The following OGG1 variants were observed in gnomAD, a reference collection of about 807,000 sequenced individuals.
OGG1 encodes 8-oxoguanine DNA glycosylase, also known as N-glycosylase/DNA lyase.
OGG1 carries 35 observed loss-of-function variants against 42.3 expected under a neutral mutation model. The ratio of observed to expected loss-of-function variants is 0.83; its 90% CI spans 0.63 to 1.10. OGG1 has a LOEUF of 1.10. OGG1 is among the 50% of genes least tolerant of loss of function. The pLI is 0.00. For synonymous variants in OGG1, 189 were observed against 179.0 expected, an observed-to-expected ratio of 1.06 and a Z score of -0.44; for missense variants, 484 against 446.7, an observed-to-expected ratio of 1.08 and a Z score of -0.75.
downstream of OGG1, chr3:9,757,678 G>A (rs751911458): frequency 1.7e-5 from 27 of 1,613,912 alleles, 1 homozygote; most frequent in East Asian, 4.5e-5. The surrounding 1 kb of genome is among the most constrained non-coding windows in gnomAD (Gnocchi z 4.5). Flanking sequence ...ACTCCAGCCC[G>A]GGTGCACCTT....
At chr3:9,769,440 A>C (rs983261312), downstream of OGG1, among the ~76,000 whole-genome samples, 3 of 152,026 alleles carry the variant, frequency 2.0e-5, no homozygotes, top group Non-Finnish European at 4.4e-5. Flanking sequence ...CCAGCACACA[A>C]AACACGTGGA....
At chr3:9,767,835 A>G, downstream of OGG1, 5 of 1,569,044 alleles carry the variant, frequency 3.2e-6, no homozygotes, top group South Asian at 5.7e-5. Context: ...TCTGTCTGGG[A>G]ATTTACTGCA....
downstream of OGG1, chr3:9,760,752 G>T: frequency 6.2e-7 from 1 of 1,614,058 alleles, no homozygotes. Flanking sequence ...TCATAGAAGG[G>T]AGGGTAACCG....
At chr3:9,787,469 T>A in intron 3 of OGG1, 1 of 1,342,448 alleles carries the variant, frequency 7.4e-7, no homozygotes, top group Non-Finnish European at 1.0e-6. Context: ...GTGTCAGGTG[T>A]AGGTAAGAAA....
downstream of OGG1, chr3:9,759,878 A>G (rs1575224968): frequency 1.3e-6 from 2 of 1,482,190 alleles, no homozygotes; most frequent in East Asian, 4.7e-5. Context: ...TCCATGCCCC[A>G]CCCCACCCAA....
chr3:9,778,748 G>A (rs1445294823), intron 2 of OGG1, among the ~76,000 whole-genome samples: 1 of 152,172 alleles, frequency 6.6e-6, no homozygotes, highest in African/African-American at 2.4e-5. Context: ...CTGCTTCTGG[G>A]ACTAATCATT....
downstream of OGG1, chr3:9,759,312 A>G: frequency 6.3e-7 from 1 of 1,590,010 alleles, no homozygotes; most frequent in Non-Finnish European, 8.6e-7. Flanking sequence ...TGGAATAGAG[A>G]AGGTGTTGGG....
At chr3:9,758,935 A>C (rs952426737), downstream of OGG1, 40 of 456,026 alleles carry the variant, frequency 8.8e-5, no homozygotes, top group Admixed American at 1.3e-3. Flanking sequence ...TGGCCCTGAG[A>C]GCCCTTTCTA....
intron 2 of OGG1, among the ~76,000 whole-genome samples, chr3:9,772,953 T>A (rs2078319787): frequency 6.6e-6 from 1 of 152,110 alleles, no homozygotes; most frequent in African/African-American, 2.4e-5. Flanking sequence ...CATTTCAAAG[T>A]ACTAATCAAA....
chr3:9,767,642 G>A (rs1437124352), downstream of OGG1: 1 of 1,613,308 alleles, frequency 6.2e-7, no homozygotes, highest in Non-Finnish European at 8.5e-7. Context: ...CAGCCATCCA[G>A]CACCCAATCC....
Position 9,751,889 on chromosome 3 carries a change from C to T in OGG1, c.505C>T (p.Arg169Trp), listed in dbSNP as rs747109077. The change falls in exon 3 of 7, where the codon CGG becomes TGG. Residue 169 changes from arginine to tryptophan, a missense_variant. By Grantham distance (101) the Arg-to-Trp change is moderately radical (BLOSUM62 -3). Transcript: ENST00000344629. ...VERLCQAFGP[R>W]LIQLDDVTYH... ...GCGGCTGTGCCAGGCTTTTGGACCTCGGCTCATCCAGCTTGATGATGTCAC... is the reference window on the plus strand; with the variant it reads ...GCGGCTGTGCCAGGCTTTTGGACCTTGGCTCATCCAGCTTGATGATGTCAC... 19 of 1,614,076 alleles carry T rather than the reference C, an allele frequency of 1.2e-5. No individual in the cohort carries two copies. Among genetic ancestry groups the T allele is most frequent in the Admixed American group, 6.7e-5 (4 of 60,004 alleles).
chr3:9,788,694 C>T (rs550246586), downstream of OGG1, among the ~76,000 whole-genome samples: 7 of 152,046 alleles, frequency 4.6e-5, no homozygotes, highest in East Asian at 1.9e-4. Flanking sequence ...TGCATGCCAC[C>T]GTGCCAGGCT....
Position 9,757,132 on chromosome 3 carries a change from C to T in OGG1, c.1020C>T (p.Ser340=), listed in dbSNP as rs1362322168. ...QEPPAKRRKG[S]KGPEG is the part of the protein sequence containing the mutation. ...CACCAGCAAAGCGCAGAAAGGGTTC[C>T]AAAGGGCCGGAAGGCTAGATGGGGC... is the stretch of plus-strand genomic sequence containing the variant. The change falls in exon 7 of 7, where the codon TCC becomes TCT. Residue 340 remains serine, a synonymous_variant. Coordinates refer to ENST00000344629, the MANE Select transcript of OGG1 (RefSeq NM_002542.6). The surrounding 1 kb of genome is among the most constrained non-coding windows in gnomAD (Gnocchi z 4.5). 6.2e-7 allele frequency: 1 copy of T among 1,614,020 alleles called. No homozygotes were observed. Among genetic ancestry groups the T allele is most frequent in the Non-Finnish European group, 8.5e-7 (1 of 1,180,026 alleles).
chr3:9,788,065 C>T (rs2078656569), exon 4 of OGG1: 1 of 256,148 alleles, frequency 3.9e-6, no homozygotes, highest in Non-Finnish European at 7.8e-6. Flanking sequence ...GACTGGGATG[C>T]GTGGACTTGA....
chr3:9,753,028 A>T (rs1331999466), intron 3 of OGG1, among the ~76,000 whole-genome samples: 1 of 152,036 alleles, frequency 6.6e-6, no homozygotes, highest in Non-Finnish European at 1.5e-5. Context: ...AGCCTGGGTT[A>T]CAGAGCGAGA....
downstream of OGG1, chr3:9,757,904 A>G (rs1386620683): frequency 1.9e-6 from 3 of 1,552,246 alleles, no homozygotes; most frequent in East Asian, 6.8e-5. The surrounding 1 kb of genome is among the most constrained non-coding windows in gnomAD (Gnocchi z 4.5). Flanking sequence ...GAGTCAAGTC[A>G]TGGGGCAGGG....
At chr3:9,781,912 C>T (rs752102469) in intron 3 of OGG1, among the ~76,000 whole-genome samples, 7 of 146,730 alleles carry the variant, frequency 4.8e-5, no homozygotes, top group Non-Finnish European at 8.9e-5. Flanking sequence ...TGATCAAGCT[C>T]ACTGCAGCCT....
intron 3 of OGG1, chr3:9,787,515 G>A: frequency 2.9e-6 from 3 of 1,041,442 alleles, no homozygotes; most frequent in Non-Finnish European, 4.1e-6. Flanking sequence ...TCACACTCTA[G>A]TAAGGGAGAC....
chr3:9,765,512 ACAGTTAAACCCCTGTGACTAAGCACTGG>A (rs1280967178), intron 7 of OGG1, among the ~76,000 whole-genome samples: 3 of 152,180 alleles, frequency 2.0e-5, no homozygotes, highest in African/African-American at 7.2e-5. Flanking sequence ...ACCTGATTGA[ACAGTTAAACCCCTGTGACTAAGCACTGG>A]CACCTCCATC....
Sources: gnomAD v4.1 joint callset for allele counts (sites outside exome capture counted in the v4.1 genomes callset) on GRCh38, gnomAD v4.1.1 for gene constraint, Gnocchi (gnomAD v3.1) non-coding constraint, MANE v1.5 for transcripts, NCBI Gene and HGNC (gene_info 2026-07-23, HGNC 2026-07-21) for gene names.